SYNE1: variants seen among roughly 807,000 people sequenced by gnomAD.
SYNE1 encodes the protein spectrin repeat containing nuclear envelope protein 1, also known as nesprin-1.
A neutral mutation model predicts 1,111.0 loss-of-function variants in SYNE1; 616 were observed. That is an observed-to-expected ratio of 0.55 (90% confidence interval 0.52 to 0.59). The LOEUF (loss-of-function observed/expected upper bound fraction) is 0.59. SYNE1 is among the 20% of genes least tolerant of loss of function. The probability of loss-of-function intolerance (pLI) is 0.00; values close to 1 mark genes in which losing one functional copy is unlikely to be tolerated. For missense variants in SYNE1, 10,006 were observed against 10,417.0 expected, an observed-to-expected ratio of 0.96 and a Z score of 1.72; for synonymous variants, 3,855 against 3,825.8, an observed-to-expected ratio of 1.01 and a Z score of -0.28.
At position 152,224,572 on chromosome 6, in the gene SYNE1, C is replaced by T; in HGVS notation, c.21444G>A (p.Glu7148=). 6.2e-7 allele frequency: 1 copy of T among 1,613,970 alleles called. No homozygotes were observed. The highest frequency in any genetic ancestry group is 8.5e-7 in the Non-Finnish European group (1 of 1,179,954). ...AFDKINSYLM[E]ARYSLSRFRL... ...GGAATCGGGAAAGAGAGTATCTGGCCTCCATGAGGTAACTGTTTATCTTGT... is the reference window on the plus strand; with the variant it reads ...GGAATCGGGAAAGAGAGTATCTGGCTTCCATGAGGTAACTGTTTATCTTGT... The change falls in exon 117 of 146, where the codon GAG becomes GAA. Residue 7148 remains glutamate (E), a synonymous_variant. Coordinates refer to ENST00000367255, the MANE Select transcript of SYNE1 (RefSeq NM_182961.4).
At chr6:152,293,873 T>G in intron 94 of SYNE1, 87 bp downstream of exon 94, 1 of 1,609,708 alleles carries the variant, frequency 6.2e-7, no homozygotes, top group Non-Finnish European at 8.5e-7. Flanking sequence ...GGACTGGATA[T>G]GTAAACTCTC....
At chr6:152,256,505 C>T (rs1022651345) in intron 102 of SYNE1, 129 bp downstream of exon 102, 56 of 1,097,606 alleles carry the variant, frequency 5.1e-5, no homozygotes, top group African/African-American at 5.0e-4. Flanking sequence ...TTTGTTTCAG[C>T]GCTTATCACT....
Position 152,215,018 on chromosome 6 carries a change from G to A in SYNE1, c.22234C>T (p.Arg7412Cys), listed in dbSNP as rs368105288. 64 of 1,613,776 alleles carry A rather than the reference G, an allele frequency of 4.0e-5. No individual in the cohort carries two copies. Among genetic ancestry groups the A allele is most frequent in the Non-Finnish European group, 5.2e-5 (61 of 1,179,876 alleles). The change falls in exon 122 of 146, where the codon CGT becomes TGT. Residue 7412 changes from arginine to cysteine, a missense_variant. Physicochemically the swap from Arg to Cys is radical, Grantham distance 180. This residue lies in a region of SYNE1 where 2,182 missense variants were observed against 2,287.8 expected (regional missense o/e 0.95). Coordinates refer to ENST00000367255, the MANE Select transcript of SYNE1 (RefSeq NM_182961.4). ...KFSSMAPDLD[R>C]LNELGYRLPL... The stretch of plus-strand genomic sequence containing the variant: ...AACCTATATCCAAGCTCATTTAGAC[G>A]GTCTAAATCTGGAGCCATGCTGCTG...
In SYNE1 at chr6:152,433,840, C is replaced by G; in HGVS notation, c.4416G>C (p.Leu1472Phe). 6.2e-7 allele frequency: 1 copy of G among 1,613,806 alleles called. No individual in the cohort carries two copies. Among genetic ancestry groups the G allele is most frequent in the Non-Finnish European group, 8.5e-7 (1 of 1,179,808 alleles). Residue 1472 changes from leucine to phenylalanine, a missense_variant, in exon 34 of 146, where the codon TTG becomes TTC. Leu to Phe is a conservative substitution (Grantham distance 22). Coordinates refer to ENST00000367255, the MANE Select transcript of SYNE1 (RefSeq NM_182961.4). ...ITEKEKELNA[L>F]ETSSSAMDMQ... is the part of the protein sequence containing the mutation. ...TGTCCATGGCAGATGACGAAGTTTCCAAGGCATTGAGTTCTTTTTCTTTCT... is the reference window on the plus strand; with the variant it reads ...TGTCCATGGCAGATGACGAAGTTTCGAAGGCATTGAGTTCTTTTTCTTTCT...
Position 152,391,469 on chromosome 6 carries a change from G to A in SYNE1, c.7812C>T (p.Ser2604=). The stretch of plus-strand genomic sequence containing the variant: ...TGGTCATTCTAAGTAGGTTCTGGTG[G>A]CTTGTGAGGAGCTGGGAACACAGGC... The part of the protein sequence containing the change: ...EGRLCSQLLT[S]HQNLLRMTKE... Residue 2604 remains serine (S), a synonymous_variant, in exon 52 of 146, where the codon AGC becomes AGT. Transcript: ENST00000367255. 6.2e-7 allele frequency: 1 copy of A among 1,613,610 alleles called. No homozygotes were observed. The highest frequency in any genetic ancestry group is 8.5e-7 in the Non-Finnish European group (1 of 1,179,964).
In SYNE1 at chr6:152,254,931, A is replaced by G; in HGVS notation, c.19419T>C (p.Asn6473=). The change falls in exon 104 of 146, where the codon AAT becomes AAC. Residue 6473 remains asparagine, a synonymous_variant. Transcript: ENST00000367255. ...GRLSLLDSVV[N]QRCHQMKERL... is the part of the protein sequence containing the mutation. ...TTTCTTTCATCTGATGACATCGTTGATTCACTACTGAGTCTAGCAAGGATA... is the reference window on the plus strand; with the variant it reads ...TTTCTTTCATCTGATGACATCGTTGGTTCACTACTGAGTCTAGCAAGGATA... 6.2e-7 allele frequency: 1 copy of G among 1,613,998 alleles called. No homozygotes were observed. Among genetic ancestry groups the G allele is most frequent in the Non-Finnish European group, 8.5e-7 (1 of 1,179,960 alleles).
Position 152,232,099 on chromosome 6 carries a change from CA to C in SYNE1, c.20862+16del. The C allele has an allele frequency of 1.3e-6, 2 of 1,547,446 alleles. No individual in the cohort carries two copies. Among genetic ancestry groups the C allele is most frequent in the Non-Finnish European group, 1.8e-6 (2 of 1,123,914 alleles). ...GTCTGAAAATATGAAAAGTTAAAAA[CA>C]AAAAATTTTAATTACCTTATATTTC... On this transcript the variant is annotated intron_variant, in intron 113 of 145. Coordinates refer to ENST00000367255, the MANE Select transcript of SYNE1 (RefSeq NM_182961.4).
chr6:152,206,434 T>A (rs544568351), intron 125 of SYNE1, 72 bp from the exon 126 acceptor site: 2 of 1,565,386 alleles, frequency 1.3e-6, no homozygotes, highest in Non-Finnish European at 1.7e-6. Flanking sequence ...GATTTTTAAA[T>A]GGCCCTAACT....
chr6:152,432,720 C>A (rs899928766), intron 34 of SYNE1, among the ~76,000 whole-genome samples: 2 of 152,042 alleles, frequency 1.3e-5, no homozygotes, highest in African/African-American at 4.8e-5. Flanking sequence ...TGAGACAAAA[C>A]TATTTAAATG....
At chr6:152,236,033 T>A in intron 110 of SYNE1, 74 bp downstream of exon 110, 1 of 1,510,306 alleles carries the variant, frequency 6.6e-7, no homozygotes, top group South Asian at 1.1e-5. Context: ...TGAGCCATCA[T>A]CCCCCACCCG....
chr6:152,141,123 C>G (rs2058453057), intron 139 of SYNE1, 80 bp downstream of exon 139: 2 of 1,599,080 alleles, frequency 1.3e-6, no homozygotes, highest in Non-Finnish European at 1.7e-6. Flanking sequence ...GCCAAGCCCC[C>G]TAAGTGGAAT....
intron 10 of SYNE1, among the ~76,000 whole-genome samples, chr6:152,502,398 A>T (rs2099034487): frequency 1.3e-5 from 2 of 152,204 alleles, no homozygotes; most frequent in African/African-American, 4.8e-5. Flanking sequence ...GTTTTAGTGT[A>T]CCAGCATCAC....
chr6:152,318,354 A>G (rs1470695989), intron 85 of SYNE1, 91 bp from the exon 86 acceptor site: 1 of 1,307,314 alleles, frequency 7.6e-7, no homozygotes, highest in Non-Finnish European at 1.1e-6. Flanking sequence ...GTCAAAGCCA[A>G]ATATTATAAT....
intron 98 of SYNE1, 48 bp from the exon 99 acceptor site, chr6:152,269,334 C>T (rs543052151): frequency 5.0e-6 from 8 of 1,613,020 alleles, no homozygotes; most frequent in African/African-American, 2.7e-5. Flanking sequence ...ACCGGAAAAC[C>T]TTAACCAAAG....
intron 75 of SYNE1, among the ~76,000 whole-genome samples, chr6:152,338,400 T>C (rs899141922): frequency 2.0e-5 from 3 of 151,870 alleles, no homozygotes; most frequent in Non-Finnish European, 2.9e-5. Context: ...GGAGGGAGGA[T>C]TGCTTGAGCC....
rs1057522443 is a variant in SYNE1 at position 152,310,676 on chromosome 6, T to C, written c.16896+12A>G. ...ACATTTTTTTCTGTTTCTTTTTTTT[T>C]TCTTTTTTTACCTTAGCTGCATCTT... On this transcript the variant is annotated intron_variant, in intron 88 of 145. Transcript: ENST00000367255. 4.3e-6 allele frequency: 7 copies of C among 1,612,048 alleles called. No homozygotes were observed. The highest frequency in any genetic ancestry group is 5.1e-6 in the Non-Finnish European group (6 of 1,179,472).
chr6:152,505,442 T>C (rs765247720), intron 8 of SYNE1, 45 bp from the exon 9 acceptor site: 2 of 1,601,388 alleles, frequency 1.2e-6, no homozygotes, highest in East Asian at 2.2e-5. Flanking sequence ...TCTGAATAGA[T>C]ACAAGCACTT....
chr6:152,488,368 A>G, intron 12 of SYNE1, 28 bp downstream of exon 12: 1 of 1,329,378 alleles, frequency 7.5e-7, no homozygotes, highest in Non-Finnish European at 1.1e-6. Flanking sequence ...AGCTTTTGAA[A>G]AATTCAAAAA....
Position 152,318,188 on chromosome 6 carries a change from G to C in SYNE1, c.16465C>G (p.Gln5489Glu). The change falls in exon 86 of 146, where the codon CAG becomes GAG. Residue 5489 changes from glutamine (Q) to glutamate (E), a missense_variant. By Grantham distance (29) the Gln-to-Glu change is conservative. Coordinates refer to ENST00000367255, the MANE Select transcript of SYNE1 (RefSeq NM_182961.4). ...LDAAVQKFLEQNGQLGKPLAK... is the reference protein window; with the variant it reads ...LDAAVQKFLEENGQLGKPLAK... Reference sequence around the variant, plus strand: ...AGTGGCTTACCCAGTTGGCCATTCTGTTCCAAGAATTTCTGTACTGCTGCA... The same window carrying C: ...AGTGGCTTACCCAGTTGGCCATTCTCTTCCAAGAATTTCTGTACTGCTGCA... The C allele has an allele frequency of 6.2e-7, 1 of 1,614,056 alleles. No individual in the cohort carries two copies. The highest frequency in any genetic ancestry group is 8.5e-7 in the Non-Finnish European group (1 of 1,180,012).
Sources: gnomAD v4.1 joint callset for allele counts (sites outside exome capture counted in the v4.1 genomes callset) on GRCh38, gnomAD v4.1.1 for gene constraint, gnomAD v4.1.1 regional missense constraint, MANE v1.5 for transcripts, NCBI Gene and HGNC (gene_info 2026-07-23, HGNC 2026-07-21) for gene names.